The following ADAM32 variants were observed in gnomAD, a reference collection of about 807,000 sequenced individuals.
ADAM32 encodes the protein ADAM metallopeptidase domain 32, also known as disintegrin and metalloproteinase domain-containing protein 32.
A neutral mutation model predicts 114.9 loss-of-function variants in ADAM32; 89 were observed. That is an observed-to-expected ratio of 0.77 (90% confidence interval 0.65 to 0.92). ADAM32 has a LOEUF of 0.92. Ranked by LOEUF, ADAM32 falls within the 40% of genes least tolerant of loss-of-function variation. The pLI, the probability that ADAM32 is intolerant of heterozygous loss-of-function variation, is 0.00. For synonymous variants in ADAM32, 285 were observed against 307.5 expected (o/e 0.93, Z 0.77); for missense variants, 870 against 932.8 (o/e 0.93, Z 0.88).
intron 20 of ADAM32, 146 bp downstream of exon 20, chr8:39,271,060 A>C: frequency 1.5e-6 from 1 of 672,872 alleles, no homozygotes; most frequent in Non-Finnish European, 2.5e-6. Context: ...AGTCTAATTT[A>C]GTTTCTAATA....
intron 3 of ADAM32, among the ~76,000 whole-genome samples, chr8:39,146,242 G>A (rs140438873): frequency 6.6e-6 from 1 of 151,996 alleles, no homozygotes; most frequent in East Asian, 1.9e-4. Context: ...TAATACCAAA[G>A]TTGAACTTAG....
intron 18 of ADAM32, among the ~76,000 whole-genome samples, chr8:39,255,082 G>C (rs916740702): frequency 1.3e-5 from 2 of 151,798 alleles, no homozygotes; most frequent in Non-Finnish European, 3.0e-5. Flanking sequence ...AGTATTCCAT[G>C]GTGTATATAT....
chr8:39,172,948 C>G (rs1805288084), intron 10 of ADAM32, among the ~76,000 whole-genome samples: 1 of 152,334 alleles, frequency 6.6e-6, no homozygotes, highest in Non-Finnish European at 1.5e-5. Flanking sequence ...AACTAATTTA[C>G]ATTCCCACCA....
intron 4 of ADAM32, among the ~76,000 whole-genome samples, chr8:39,148,136 C>T (rs571354417): frequency 4.6e-5 from 7 of 152,216 alleles, no homozygotes; most frequent in Non-Finnish European, 8.8e-5. Flanking sequence ...GTCAGATTAC[C>T]CTGCTTCTCT....
intron 1 of ADAM32, among the ~76,000 whole-genome samples, chr8:39,116,914 T>G (rs141936959): frequency 0.041 from 6,222 of 152,096 alleles, 447 homozygotes; most frequent in African/African-American, 0.14. Context: ...GACAGAGTCT[T>G]TCTCTGTTGC....
intron 11 of ADAM32, among the ~76,000 whole-genome samples, chr8:39,191,851 C>T (rs910942519): frequency 6.6e-6 from 1 of 151,998 alleles, no homozygotes; most frequent in African/African-American, 2.4e-5. Context: ...TGATTATTAC[C>T]TAGGCTGTCT....
intron 7 of ADAM32, among the ~76,000 whole-genome samples, chr8:39,161,307 A>G (rs1462278132): frequency 6.6e-6 from 1 of 152,238 alleles, no homozygotes; most frequent in Non-Finnish European, 1.5e-5. Flanking sequence ...AGCAGAATGT[A>G]GTCTAGGGAA....
At chr8:39,177,299 G>T (rs1487793259) in intron 10 of ADAM32, among the ~76,000 whole-genome samples, 1 of 152,094 alleles carries the variant, frequency 6.6e-6, no homozygotes. Flanking sequence ...GACCTCAAGT[G>T]ACCTGCCCAC....
At chr8:39,142,804 T>C (rs1202982097) in intron 3 of ADAM32, among the ~76,000 whole-genome samples, 2 of 152,190 alleles carry the variant, frequency 1.3e-5, no homozygotes, top group Non-Finnish European at 2.9e-5. Context: ...GTGTATTCTA[T>C]CTTGGTTCCA....
chr8:39,214,902 C>G (rs937638923), intron 12 of ADAM32, among the ~76,000 whole-genome samples: 2 of 152,022 alleles, frequency 1.3e-5, no homozygotes, highest in African/African-American at 4.8e-5. Flanking sequence ...CATTGTCATG[C>G]ATGTGGATAT....
At chr8:39,140,690 C>G (rs540125165) in intron 3 of ADAM32, among the ~76,000 whole-genome samples, 1 of 152,248 alleles carries the variant, frequency 6.6e-6, no homozygotes, top group Admixed American at 6.5e-5. Context: ...GGAGGATTCC[C>G]TCTTTTTCTA....
chr8:39,281,222 C>A, intron 23 of ADAM32, 48 bp downstream of exon 23: 1 of 1,180,180 alleles, frequency 8.5e-7, no homozygotes, highest in Non-Finnish European at 1.1e-6. Context: ...GTTGAAAATT[C>A]AGAATGAAAA....
At chr8:39,148,301 C>G (rs1446840502) in intron 4 of ADAM32, among the ~76,000 whole-genome samples, 1 of 152,098 alleles carries the variant, frequency 6.6e-6, no homozygotes, top group Non-Finnish European at 1.5e-5. Context: ...TAGCTATGTT[C>G]TCCTTTCAAA....
At chr8:39,139,045 G>T (rs1802983912) in intron 3 of ADAM32, among the ~76,000 whole-genome samples, 1 of 152,062 alleles carries the variant, frequency 6.6e-6, no homozygotes. Context: ...TTTTAAATTT[G>T]TTTAAGTTAT....
At chr8:39,142,833 G>A (rs1473982041) in intron 3 of ADAM32, among the ~76,000 whole-genome samples, 5 of 152,024 alleles carry the variant, frequency 3.3e-5, no homozygotes, top group South Asian at 2.1e-4. Flanking sequence ...GTCACTTTCC[G>A]GTACACCAAT....
intron 23 of ADAM32, among the ~76,000 whole-genome samples, chr8:39,282,087 G>A (rs1813455093): frequency 6.6e-6 from 1 of 152,236 alleles, no homozygotes; most frequent in South Asian, 2.1e-4. Context: ...TGAGAAAAAA[G>A]CTGATTTTCT....
chr8:39,233,166 A>C (rs1410125820), intron 15 of ADAM32, among the ~76,000 whole-genome samples: 1 of 152,208 alleles, frequency 6.6e-6, no homozygotes, highest in Admixed American at 6.5e-5. Flanking sequence ...AAGTGAAAGC[A>C]AATTTATTAA....
chr8:39,240,306 G>T (rs552620257), intron 16 of ADAM32, among the ~76,000 whole-genome samples: 1 of 152,148 alleles, frequency 6.6e-6, no homozygotes, highest in Admixed American at 6.5e-5. Flanking sequence ...TGGAAATTAA[G>T]TAGTCTGCTC....
intron 3 of ADAM32, among the ~76,000 whole-genome samples, chr8:39,140,288 G>C (rs10081433): frequency 6.6e-6 from 1 of 151,334 alleles, no homozygotes; most frequent in Non-Finnish European, 1.5e-5. Flanking sequence ...TTTGGCTGTG[G>C]GTTTGTCATA....
Sources: allele counts gnomAD v4.1 joint callset (sites outside exome capture counted in the v4.1 genomes callset), GRCh38; gene constraint gnomAD v4.1.1; transcripts MANE v1.5; gene names NCBI Gene and HGNC (gene_info 2026-07-23, HGNC 2026-07-21).